EEA1: variants seen among roughly 807,000 people sequenced by gnomAD.
EEA1 encodes the protein early endosome antigen 1, also known as early endosome antigen 1, 162kD.
Under a neutral mutation model 209.2 loss-of-function variants are expected in EEA1, and 111 were observed. The observed-to-expected ratio is 0.53, with a 90% CI of 0.45 to 0.62. EEA1 has a LOEUF of 0.62. Ranked by LOEUF, EEA1 falls within the 20% of genes least tolerant of loss-of-function variation. EEA1 has a pLI of 0.00. For missense variants in EEA1, 1,343 were observed against 1,530.8 expected, an observed-to-expected ratio of 0.88 and a Z score of 2.05; for synonymous variants, 536 against 540.6, an observed-to-expected ratio of 0.99 and a Z score of 0.12.
chr12:92,827,410 A>C (rs931364822), intron 12 of EEA1, among the ~76,000 whole-genome samples: 2 of 152,234 alleles, frequency 1.3e-5, no homozygotes, highest in Non-Finnish European at 2.9e-5. Flanking sequence ...AAGTGTGTTT[A>C]ATTGCAATAA....
intron 1 of EEA1, among the ~76,000 whole-genome samples, chr12:92,893,322 A>G (rs1361876327): frequency 6.6e-6 from 1 of 152,254 alleles, no homozygotes; most frequent in Non-Finnish European, 1.5e-5. Flanking sequence ...ACCAAGGCAT[A>G]GAGACTAAGT....
At chr12:92,842,100 C>T (rs536648845) in intron 10 of EEA1, among the ~76,000 whole-genome samples, 1 of 152,212 alleles carries the variant, frequency 6.6e-6, no homozygotes, top group South Asian at 2.1e-4. Flanking sequence ...AAGACAAATA[C>T]TGTTGGATGT....
At chr12:92,921,673 G>A (rs1368716239) in intron 1 of EEA1, among the ~76,000 whole-genome samples, 6 of 133,852 alleles carry the variant, frequency 4.5e-5, no homozygotes, top group East Asian at 2.1e-4. Context: ...TGGGTGCAGC[G>A]CACCAGCATG....
intron 11 of EEA1, 40 bp from the exon 12 acceptor site, chr12:92,828,101 A>AAC: frequency 7.1e-7 from 1 of 1,417,500 alleles, no homozygotes; most frequent in Non-Finnish European, 9.4e-7. Context: ...CATATGTACA[A>AAC]ACACACACAC....
chr12:92,857,566 T>C (rs1236014266), intron 3 of EEA1, 81 bp from the exon 4 acceptor site: 12 of 835,252 alleles, frequency 1.4e-5, no homozygotes, highest in African/African-American at 7.0e-5. Flanking sequence ...TGGCTAGTAA[T>C]TGTATATTAA....
intron 2 of EEA1, among the ~76,000 whole-genome samples, chr12:92,880,116 A>G (rs1477172010): frequency 6.6e-6 from 1 of 152,236 alleles, no homozygotes; most frequent in Admixed American, 6.5e-5. Context: ...GGCTGTAAAC[A>G]TAAAACAAAC....
intron 10 of EEA1, 97 bp from the exon 11 acceptor site, chr12:92,832,947 C>T: frequency 3.6e-6 from 3 of 823,948 alleles, no homozygotes; most frequent in Admixed American, 3.1e-5. Flanking sequence ...TCCTATTATA[C>T]ATTTTAGTCA....
At chr12:92,829,458 C>CACTCACT (rs764546905) in intron 11 of EEA1, among the ~76,000 whole-genome samples, 47 of 152,148 alleles carry the variant, frequency 3.1e-4, no homozygotes, top group Non-Finnish European at 5.4e-4. Flanking sequence ...TTCATTCATT[C>CACTCACT]ACTCACTAAA....
chr12:92,908,030 GT>G (rs1880443031), intron 1 of EEA1, among the ~76,000 whole-genome samples: 1 of 152,120 alleles, frequency 6.6e-6, no homozygotes, highest in African/African-American at 2.4e-5. Flanking sequence ...GCACACCAAT[GT>G]TCATAGCAGC....
intron 10 of EEA1, among the ~76,000 whole-genome samples, chr12:92,835,925 C>T (rs1876911445): frequency 6.6e-6 from 1 of 152,144 alleles, no homozygotes; most frequent in Non-Finnish European, 1.5e-5. Context: ...AAAAGACTAA[C>T]TATATTTTAT....
At position 92,816,339 on chromosome 12, in the gene EEA1, T is replaced by C; in HGVS notation, c.1790A>G (p.Asn597Ser). 4 of 1,614,048 alleles carry C rather than the reference T, an allele frequency of 2.5e-6. No individual in the cohort carries two copies. Among genetic ancestry groups the C allele is most frequent in the Non-Finnish European group, 3.4e-6 (4 of 1,179,900 alleles). The change falls in exon 15 of 29, where the codon AAT becomes AGT. Residue 597 changes from asparagine to serine, a missense_variant. Coordinates refer to ENST00000322349, the MANE Select transcript of EEA1 (RefSeq NM_003566.4). ...CTGCTCTTGTACCTGGTCATGCAAA[T>C]TCTCCTGGGCTTGTTTATGACTTTC... The part of the protein sequence containing the change: ...QSESHKQAQE[N>S]LHDQVQEQKA...
chr12:92,777,507 G>A, intron 27 of EEA1, 36 bp downstream of exon 27: 2 of 1,568,458 alleles, frequency 1.3e-6, no homozygotes, highest in South Asian at 1.2e-5. Flanking sequence ...GCCAATTCTA[G>A]ACTAAAAAAC....
At chr12:92,847,402 A>C (rs2136705781) in intron 9 of EEA1, among the ~76,000 whole-genome samples, 2 of 152,376 alleles carry the variant, frequency 1.3e-5, no homozygotes, top group Middle Eastern at 6.8e-3. Flanking sequence ...ATTGAAAATA[A>C]CTAGAATTGA....
At chr12:92,812,143 A>T (rs1397380541) in intron 16 of EEA1, among the ~76,000 whole-genome samples, 1 of 152,144 alleles carries the variant, frequency 6.6e-6, no homozygotes, top group Non-Finnish European at 1.5e-5. Flanking sequence ...CAGCCTGACC[A>T]ACATGGTGAA....
At chr12:92,856,425 A>T (rs1877882049) in intron 5 of EEA1, among the ~76,000 whole-genome samples, 1 of 152,124 alleles carries the variant, frequency 6.6e-6, no homozygotes, top group African/African-American at 2.4e-5. Flanking sequence ...GTTTTTCTCT[A>T]TGTATTATTT....
At chr12:92,814,351 T>C (rs1875674747) in intron 15 of EEA1, among the ~76,000 whole-genome samples, 1 of 152,234 alleles carries the variant, frequency 6.6e-6, no homozygotes, top group Non-Finnish European at 1.5e-5. Context: ...CTGATGAATA[T>C]ATAGCATAGA....
intron 1 of EEA1, among the ~76,000 whole-genome samples, chr12:92,892,256 A>G (rs569944518): frequency 6.6e-6 from 1 of 152,124 alleles, no homozygotes; most frequent in Admixed American, 6.5e-5. Context: ...ACACCCAGCT[A>G]ATTTGTTGTA....
chr12:92,798,900 A>G lies in EEA1; in HGVS notation c.2959T>C (p.Leu987=). The G allele has an allele frequency of 6.3e-7, 1 of 1,586,038 alleles. No individual in the cohort carries two copies. Among genetic ancestry groups the G allele is most frequent in the African/African-American group, 1.4e-5 (1 of 73,230 alleles). ...AACAAATATATCACTACCTTCTGTA[A>G]AACAGCAATTTTAAGCTCTCCTTGG... ...ALQGELKIAV[L]QKTELENKLQ... Residue 987 remains leucine, a synonymous_variant, in exon 21 of 29, where the codon TTA becomes CTA. Coordinates refer to ENST00000322349, the MANE Select transcript of EEA1 (RefSeq NM_003566.4).
chr12:92,864,401 A>G (rs1010672134), intron 3 of EEA1, among the ~76,000 whole-genome samples: 3 of 152,128 alleles, frequency 2.0e-5, no homozygotes, highest in Non-Finnish European at 4.4e-5. Flanking sequence ...TACTTCTTAA[A>G]ATGGCCAAGA....
Sources: allele counts gnomAD v4.1 joint callset (sites outside exome capture counted in the v4.1 genomes callset), GRCh38; gene constraint gnomAD v4.1.1; transcripts MANE v1.5; gene names NCBI Gene and HGNC (gene_info 2026-07-23, HGNC 2026-07-21).